FRMPD3: variants seen among roughly 807,000 people sequenced by gnomAD.
FRMPD3 encodes the protein FERM and PDZ domain-containing protein 3.
A neutral mutation model predicts 97.9 loss-of-function variants in FRMPD3; 42 were observed. The observed-to-expected ratio is 0.43, with a 90% confidence interval of 0.34 to 0.55. The LOEUF is 0.55. Ranked by LOEUF, FRMPD3 falls within the 20% of genes least tolerant of loss-of-function variation. The pLI is 0.03. For synonymous variants in FRMPD3, 577 were observed against 581.1 expected (o/e 0.99, Z 0.10); for missense variants, 1,303 against 1,457.7 (o/e 0.89, Z 1.73).
At chrX:107,537,536 A>G (rs1319715237) in intron 4 of FRMPD3, among the ~76,000 whole-genome samples, 1 of 111,850 alleles carries the variant, frequency 8.9e-6, no homozygotes. Context: ...CAGTCAAAAT[A>G]TAAGCCAGTA....
rs1351321915 is a variant in FRMPD3 at position 107,459,882 on chromosome X, CAT to C, written c.-8+9879_-8+9880del. On this transcript the variant is annotated intron_variant, in intron 1 of 14. Coordinates refer to ENST00000683843, the MANE Select transcript of FRMPD3 (RefSeq NM_001388459.1). The stretch of plus-strand genomic sequence containing the variant: ...GTGTGCGTGCGTGCACGCAAGCATA[CAT>C]ACACACACACACACACACACACACA... Among the ~76,000 whole-genome samples, 9 of 65,331 alleles carry C rather than the reference CAT, an allele frequency of 1.4e-4. No individual in the cohort carries two copies. In the East Asian group the frequency reaches 1.5e-3, roughly 11 times the overall value. 56.7% of individuals were successfully genotyped at this position (65,331 alleles called of 115,157 possible).
chrX:107,503,130 C>T (rs1046337949), intron 1 of FRMPD3, among the ~76,000 whole-genome samples: 1 of 111,253 alleles, frequency 9.0e-6, no homozygotes, highest in Non-Finnish European at 1.9e-5. Flanking sequence ...AGGCAATGAA[C>T]GAATTCTCCC....
intron 3 of FRMPD3, among the ~76,000 whole-genome samples, chrX:107,533,301 A>T (rs900464403): frequency 4.5e-5 from 5 of 111,842 alleles, no homozygotes; most frequent in African/African-American, 1.6e-4. Flanking sequence ...CCATCTTCGG[A>T]TACCTGTGTG....
intron 1 of FRMPD3, among the ~76,000 whole-genome samples, chrX:107,497,110 A>T (rs1048677413): frequency 1.8e-5 from 2 of 112,512 alleles, no homozygotes; most frequent in Non-Finnish European, 3.8e-5. Context: ...AGGCTGATTG[A>T]TTTGATGAGG....
chrX:107,602,824 G>A lies in FRMPD3; in HGVS notation c.4785G>A (p.Arg1595=), dbSNP rs1405883839. The change falls in exon 15 of 15, where the codon CGG becomes CGA. Residue 1595 remains arginine (R), a synonymous_variant. Transcript: ENST00000683843. ...TCCCTGATGGCTTCCTGGCTGCCCG[G>A]CTGGACACCAACGAGCTGCTGACAG... ...YGLPDGFLAA[R]LDTNELLTVL... 1 of 1,208,610 alleles carries A rather than the reference G, an allele frequency of 8.3e-7. No homozygotes were observed. Among genetic ancestry groups the A allele is most frequent in the East Asian group, 3.0e-5 (1 of 33,741 alleles).
At chrX:107,524,123 G>A (rs1922604226) in intron 1 of FRMPD3, among the ~76,000 whole-genome samples, 1 of 112,338 alleles carries the variant, frequency 8.9e-6, no homozygotes, top group South Asian at 3.7e-4. Flanking sequence ...CGGGTGGCAG[G>A]AAGCAAAGGG....
At chrX:107,571,730 G>A (rs781154513) in intron 12 of FRMPD3, among the ~76,000 whole-genome samples, 1 of 112,604 alleles carries the variant, frequency 8.9e-6, no homozygotes, top group Non-Finnish European at 1.9e-5. Context: ...ATGTGAGGCT[G>A]TTAGGCATTC....
Position 107,600,977 on chromosome X carries a change from C to T in FRMPD3, c.2938C>T (p.Pro980Ser), listed in dbSNP as rs768977904. 38 of 1,206,562 alleles carry T rather than the reference C, an allele frequency of 3.1e-5. No individual in the cohort carries two copies. In the Admixed American group the frequency reaches 8.1e-4, roughly 26 times the overall value. ...VTAGGALGNP[P>S]SRGERRLEAS... ...TGCTGGTGGGGCTTTGGGGAACCCC[C>T]CCAGCAGGGGTGAGAGAAGGCTGGA... Residue 980 changes from proline (P) to serine (S), a missense_variant, in exon 15 of 15, where the codon CCC becomes TCC. Pro to Ser is a moderately conservative substitution (Grantham distance 74). This residue lies in a region of FRMPD3 where 764 missense variants were observed against 820.2 expected (regional missense o/e 0.93). Coordinates refer to ENST00000683843, the MANE Select transcript of FRMPD3 (RefSeq NM_001388459.1).
At chrX:107,593,606 T>C (rs1332623126) in intron 13 of FRMPD3, among the ~76,000 whole-genome samples, 3 of 111,726 alleles carry the variant, frequency 2.7e-5, no homozygotes, top group Admixed American at 9.5e-5. Flanking sequence ...TTCATTCTCC[T>C]ACATGGGGCT....
intron 1 of FRMPD3, among the ~76,000 whole-genome samples, chrX:107,519,711 C>A (rs186022143): frequency 1.5e-3 from 167 of 110,948 alleles, no homozygotes; most frequent in African/African-American, 5.0e-3. Flanking sequence ...CTCAAAGACG[C>A]AGGATATTTT....
chrX:107,497,713 C>T (rs1231716849), intron 1 of FRMPD3, among the ~76,000 whole-genome samples: 1 of 112,247 alleles, frequency 8.9e-6, no homozygotes, highest in Non-Finnish European at 1.9e-5. Context: ...ACTTAAAAAT[C>T]CTTGAATTCT....
At chrX:107,457,059 G>T (rs1463188238) in intron 1 of FRMPD3, among the ~76,000 whole-genome samples, 1 of 111,063 alleles carries the variant, frequency 9.0e-6, no homozygotes, top group Non-Finnish European at 1.9e-5. Flanking sequence ...GGGTGAGGAA[G>T]AAGGAAGAGT....
intron 13 of FRMPD3, among the ~76,000 whole-genome samples, chrX:107,595,864 G>T (rs748434054): frequency 6.6e-4 from 71 of 108,329 alleles, no homozygotes; most frequent in African/African-American, 2.3e-3. Flanking sequence ...CTTGAACCCA[G>T]GAGGCAGAGG....
At chrX:107,495,892 T>C (rs945578078) in intron 1 of FRMPD3, among the ~76,000 whole-genome samples, 1 of 112,593 alleles carries the variant, frequency 8.9e-6, no homozygotes, top group Non-Finnish European at 1.9e-5. Flanking sequence ...TAGTGATACA[T>C]ACATGTGTGA....
chrX:107,597,525 A>G lies in FRMPD3; in HGVS notation c.1646A>G (p.Asn549Ser), dbSNP rs780540381. 9 of 1,208,767 alleles carry G rather than the reference A, an allele frequency of 7.4e-6. No individual in the cohort carries two copies. In the African/African-American group the frequency reaches 1.4e-4, roughly 19 times the overall value. ...EQESRTDVNE[N>S]LIFFEETRPR... The stretch of plus-strand genomic sequence containing the variant: ...GAAAGCCGGACAGATGTCAACGAGA[A>G]CCTAATCTTCTTTGAGGAGACCAGG... Residue 549 changes from asparagine (N) to serine (S), a missense_variant, in exon 14 of 15, where the codon AAC becomes AGC. Transcript: ENST00000683843.
chrX:107,546,798 G>A (rs1034592929), intron 5 of FRMPD3, among the ~76,000 whole-genome samples: 5 of 112,175 alleles, frequency 4.5e-5, no homozygotes, highest in African/African-American at 1.3e-4. Context: ...TGGCATTTAC[G>A]TACTGAGGAA....
In FRMPD3 at chrX:107,602,461, G is replaced by A. The variant is rs977121861; in HGVS notation, c.4422G>A (p.Glu1474=). 9.9e-6 allele frequency: 12 copies of A among 1,211,397 alleles called. No individual in the cohort carries two copies. Among genetic ancestry groups the A allele is most frequent in the Non-Finnish European group, 1.2e-5 (11 of 895,476 alleles). Residue 1474 remains glutamate (E), a synonymous_variant, in exon 15 of 15, where the codon GAG becomes GAA. Transcript: ENST00000683843. ...TGGCCGTGTTCTCACTGCCCGAGGA[G>A]GTGTACCGGAAGCCTGCCGAGCTAG... ...RQMAVFSLPE[E]VYRKPAELDE...
intron 1 of FRMPD3, among the ~76,000 whole-genome samples, chrX:107,470,292 C>A (rs1351819068): frequency 8.9e-6 from 1 of 112,366 alleles, no homozygotes; most frequent in East Asian, 2.8e-4. Flanking sequence ...CAGGGTCACT[C>A]ATGAGGTTGC....
chrX:107,567,281 C>T (rs1021098713), intron 12 of FRMPD3, among the ~76,000 whole-genome samples: 3 of 111,715 alleles, frequency 2.7e-5, no homozygotes, highest in African/African-American at 9.8e-5. Flanking sequence ...CCACTGCACC[C>T]GGCCTGTTGT....
Sources: gnomAD v4.1 joint callset for allele counts (sites outside exome capture counted in the v4.1 genomes callset) on GRCh38, gnomAD v4.1.1 for gene constraint, gnomAD v4.1.1 regional missense constraint, MANE v1.5 for transcripts, NCBI Gene and HGNC (gene_info 2026-07-23, HGNC 2026-07-21) for gene names.